MAPK6: variants seen among roughly 807,000 people sequenced by gnomAD.
The protein encoded by MAPK6 is mitogen-activated protein kinase 6.
In MAPK6, 19 loss-of-function variants were observed where a neutral mutation model predicts 59.3. The observed-to-expected ratio is 0.32, with a 90% CI of 0.22 to 0.47. The LOEUF is 0.47. Ranked by LOEUF, MAPK6 falls within the 20% of genes least tolerant of loss-of-function variation. The pLI is 1.00. For missense variants in MAPK6, 724 were observed against 847.9 expected, an observed-to-expected ratio of 0.85 and a Z score of 1.81; for synonymous variants, 316 against 290.3, an observed-to-expected ratio of 1.09 and a Z score of -0.90.
In MAPK6 at chr15:52,064,810, A is replaced by G. The variant is rs1252697587; in HGVS notation, c.1976A>G (p.Glu659Gly). The change falls in exon 6 of 6, where the codon GAA becomes GGA. Residue 659 changes from glutamate (E) to glycine (G), a missense_variant. Physicochemically the swap from Glu to Gly is moderately conservative, Grantham distance 98. Coordinates refer to ENST00000261845, the MANE Select transcript of MAPK6 (RefSeq NM_002748.4). ...AAGCTTGGGGAGAGAGGACATGAGG[A>G]AGGATTTCTGAACAACAGTGGGGAG... Reference protein sequence around the residue: ...DGKLGERGHEEGFLNNSGEFL... With the variant: ...DGKLGERGHEGGFLNNSGEFL... 1 of 1,611,968 alleles carries G rather than the reference A, an allele frequency of 6.2e-7. No individual in the cohort carries two copies. The highest frequency in any genetic ancestry group is 8.5e-7 in the Non-Finnish European group (1 of 1,179,828).
chr15:52,020,936 AG>A (rs972321613), intron 1 of MAPK6, among the ~76,000 whole-genome samples: 1 of 152,248 alleles, frequency 6.6e-6, no homozygotes, highest in Non-Finnish European at 1.5e-5. Flanking sequence ...AGATTTGAGC[AG>A]AACATATTTG....
chr15:52,066,156 C>T lies in MAPK6; in HGVS notation c.*1156C>T, dbSNP rs924344577. 8 of 152,556 alleles carry T rather than the reference C, an allele frequency of 5.2e-5. No homozygotes were observed. The highest frequency in any genetic ancestry group is 9.7e-5 in the African/African-American group (4 of 41,442). The allele number at this position is 152,556 out of a possible 1,614,324, so 9.5% of individuals were successfully genotyped here. On this transcript the variant is annotated 3_prime_UTR_variant, in exon 6 of 6. Transcript: ENST00000261845. ...TTAGGTTAAACGTAGCATGTGGCAT[C>T]GCAGTCTCTTAGAATTTGTTTCATC...
intron 5 of MAPK6, among the ~76,000 whole-genome samples, chr15:52,062,871 A>T (rs2032257870): frequency 1.3e-5 from 2 of 148,782 alleles, no homozygotes; most frequent in African/African-American, 5.2e-5. Context: ...TCAGAGTAGG[A>T]TGGTAGCTTA....
chr15:51,984,924 GT>G (rs1351751009), intron 2 of MAPK6, among the ~76,000 whole-genome samples: 1 of 152,106 alleles, frequency 6.6e-6, no homozygotes, highest in Non-Finnish European at 1.5e-5. Flanking sequence ...AGTTTGTTTT[GT>G]TTTTTGTTTC....
At chr15:52,019,752 G>T (rs1448804165) in intron 1 of MAPK6, among the ~76,000 whole-genome samples, 2 of 151,658 alleles carry the variant, frequency 1.3e-5, no homozygotes, top group African/African-American at 4.8e-5. Context: ...CCGTCCCGCC[G>T]CCTGCGCCTG....
chr15:51,983,121 C>G (rs1231414463), intron 1 of MAPK6, among the ~76,000 whole-genome samples: 1 of 152,106 alleles, frequency 6.6e-6, no homozygotes, highest in African/African-American at 2.4e-5. Flanking sequence ...AAAGAAGTAA[C>G]TAATAGGAAA....
chr15:52,047,679 G>T (rs2031638710), intron 2 of MAPK6, among the ~76,000 whole-genome samples: 1 of 144,908 alleles, frequency 6.9e-6, no homozygotes, highest in Non-Finnish European at 1.5e-5. Context: ...TTAGTGACAA[G>T]ATCTTGCTGT....
chr15:51,984,425 G>A (rs2057183873), intron 2 of MAPK6, among the ~76,000 whole-genome samples: 2 of 148,482 alleles, frequency 1.3e-5, no homozygotes, highest in Admixed American at 1.4e-4. Flanking sequence ...GGGACTACAG[G>A]CGCCTGCCAA....
intron 2 of MAPK6, among the ~76,000 whole-genome samples, chr15:51,990,733 G>A (rs764904956): frequency 8.3e-4 from 126 of 152,304 alleles, no homozygotes; most frequent in African/African-American, 2.8e-3. Context: ...GGCGGATCAC[G>A]AGGTCGGGAG....
chr15:52,013,000 A>T (rs1595968632), intron 3 of MAPK6, among the ~76,000 whole-genome samples: 1 of 18,650 alleles, frequency 5.4e-5, no homozygotes, highest in African/African-American at 2.1e-4. Context: ...AAAAAAAAAA[A>T]AAAAAAAAAA....
In MAPK6 at chr15:52,064,892, T is replaced by G. The variant is rs774493075; in HGVS notation, c.2058T>G (p.Val686=). ...SIGIPQFHSP[V]GSPLKSIQAT... ...GCATCCCACAGTTTCACAGTCCAGT[T>G]GGGTCACCACTTAAGTCAATACAGG... Residue 686 remains valine (V), a synonymous_variant, in exon 6 of 6, where the codon GTT becomes GTG. Coordinates refer to ENST00000261845, the MANE Select transcript of MAPK6 (RefSeq NM_002748.4). 9 of 1,611,858 alleles carry G rather than the reference T, an allele frequency of 5.6e-6. No individual in the cohort carries two copies. Among genetic ancestry groups the G allele is most frequent in the Non-Finnish European group, 7.6e-6 (9 of 1,179,836 alleles).
Position 52,025,798 on chromosome 15 carries a change from A to T in MAPK6, c.-632+6422A>T, listed in dbSNP as rs371867436. On this transcript the variant is annotated intron_variant, in intron 1 of 5. Transcript: ENST00000261845. ...GCAAGACTACGTCTCAAAAAAAAAT[A>T]AAAATAGTTGGATGTAGCTGGTGGT... is the stretch of plus-strand genomic sequence containing the variant. Among the ~76,000 whole-genome samples the T allele has an allele frequency of 2.9e-4, 44 of 152,270 alleles. 5 individuals are homozygous for T. The highest frequency in any genetic ancestry group is 1.9e-3 in the South Asian group (9 of 4,832).
intron 2 of MAPK6, among the ~76,000 whole-genome samples, chr15:51,999,486 A>T (rs2057236251): frequency 6.6e-6 from 1 of 152,030 alleles, no homozygotes; most frequent in South Asian, 2.1e-4. Context: ...TATTTATTTT[A>T]TTATTATTGA....
At chr15:52,000,781 CAG>C (rs1381640476) in intron 2 of MAPK6, among the ~76,000 whole-genome samples, 1 of 149,916 alleles carries the variant, frequency 6.7e-6, no homozygotes, top group Non-Finnish European at 1.5e-5. Context: ...GCTTGGGCGA[CAG>C]AGAGAGACTC....
At chr15:51,981,567 G>A (rs925816677) in intron 1 of MAPK6, among the ~76,000 whole-genome samples, 3 of 152,178 alleles carry the variant, frequency 2.0e-5, no homozygotes, top group African/African-American at 7.2e-5. Context: ...TATTTCTTAG[G>A]ACAGAAGCAA....
At chr15:52,043,383 C>T (rs555668898) in intron 1 of MAPK6, among the ~76,000 whole-genome samples, 16 of 150,990 alleles carry the variant, frequency 1.1e-4, no homozygotes, top group African/African-American at 3.9e-4. Context: ...CTGCAACCTC[C>T]ACCTCCCAGG....
intron 1 of MAPK6, among the ~76,000 whole-genome samples, chr15:51,972,283 C>T (rs1221428922): frequency 1.3e-5 from 2 of 152,062 alleles, no homozygotes; most frequent in East Asian, 1.9e-4. Context: ...GGACGACAGG[C>T]GCCCGCCACC....
chr15:52,053,858 C>G (rs1383599463), intron 3 of MAPK6, among the ~76,000 whole-genome samples: 1 of 151,648 alleles, frequency 6.6e-6, no homozygotes, highest in Non-Finnish European at 1.5e-5. Context: ...AGGCTGATCT[C>G]GAACTCCTGA....
intron 3 of MAPK6, among the ~76,000 whole-genome samples, chr15:52,012,295 A>C (rs1355967194): frequency 6.6e-6 from 1 of 152,148 alleles, no homozygotes; most frequent in Non-Finnish European, 1.5e-5. Flanking sequence ...CTAATTTGCT[A>C]TGTGTGGTAG....
Sources: gnomAD v4.1 joint callset for allele counts (sites outside exome capture counted in the v4.1 genomes callset) on GRCh38, gnomAD v4.1.1 for gene constraint, MANE v1.5 for transcripts, NCBI Gene and HGNC (gene_info 2026-07-23, HGNC 2026-07-21) for gene names.